Variants in SCAPER observed in about 807,000 individuals in gnomAD.
The protein encoded by SCAPER is S-phase cyclin A associated protein in the ER.
A neutral mutation model predicts 182.2 loss-of-function variants in SCAPER; 98 were observed. The observed-to-expected ratio is 0.54, with a 90% confidence interval of 0.46 to 0.64. The LOEUF (loss-of-function observed/expected upper bound fraction) is 0.64, where lower values mean the gene tolerates loss of function less well. SCAPER is among the 30% of genes least tolerant of loss of function. SCAPER has a pLI of 0.00. For synonymous variants in SCAPER, 605 were observed against 564.6 expected, an observed-to-expected ratio of 1.07 and a Z score of -1.01; for missense variants, 1,432 against 1,690.0, an observed-to-expected ratio of 0.85 and a Z score of 2.68.
chr15:76,352,056 CATT>C (rs2040591778), intron 30 of SCAPER, among the ~76,000 whole-genome samples: 1 of 152,084 alleles, frequency 6.6e-6, no homozygotes, highest in Non-Finnish European at 1.5e-5. Flanking sequence ...CATTATAAGT[CATT>C]GTCTATGCAG....
intron 2 of SCAPER, among the ~76,000 whole-genome samples, chr15:76,876,438 C>CAAAAAAAAAAAAAAAAAA (rs33959211): frequency 8.1e-6 from 1 of 122,756 alleles, no homozygotes. Flanking sequence ...AAAACAAAAG[C>CAAAAAAAAAAAAAAAAAA]AAAAAAAAAA....
At chr15:76,735,697 C>CAA (rs34341849) in intron 15 of SCAPER, among the ~76,000 whole-genome samples, 2,324 of 106,338 alleles carry the variant, frequency 0.022, 39 homozygotes, top group African/African-American at 0.029. Context: ...GACTCCGTCT[C>CAA]AAAAAAAAAA....
chr15:76,513,939 G>A (rs866797311), intron 23 of SCAPER, among the ~76,000 whole-genome samples: 28 of 152,246 alleles, frequency 1.8e-4, no homozygotes, highest in African/African-American at 6.7e-4. Context: ...ATATTTAGCT[G>A]TATTTTTTTG....
intron 17 of SCAPER, among the ~76,000 whole-genome samples, chr15:76,706,868 T>TACAC (rs140804488): frequency 6.6e-6 from 1 of 151,568 alleles, no homozygotes; most frequent in Non-Finnish European, 1.5e-5. Flanking sequence ...GATACACACA[T>TACAC]ACACACACAC....
At chr15:76,743,485 T>C (rs969083142) in intron 15 of SCAPER, among the ~76,000 whole-genome samples, 1 of 152,118 alleles carries the variant, frequency 6.6e-6, no homozygotes, top group Non-Finnish European at 1.5e-5. Context: ...CAAAAATCAG[T>C]AGCATTTCTA....
chr15:76,646,892 A>T (rs141354065), intron 21 of SCAPER, among the ~76,000 whole-genome samples: 2,368 of 152,268 alleles, frequency 0.016, 25 homozygotes, highest in Middle Eastern at 0.027. Flanking sequence ...TTTAGTTTTA[A>T]TTCATCTTGA....
At chr15:76,629,566 T>C (rs1393108783) in intron 21 of SCAPER, among the ~76,000 whole-genome samples, 1 of 152,244 alleles carries the variant, frequency 6.6e-6, no homozygotes, top group Non-Finnish European at 1.5e-5. Context: ...TTATGTTTAC[T>C]GATTTGCATA....
chr15:76,893,169 C>A (rs1170034102), intron 1 of SCAPER, among the ~76,000 whole-genome samples: 2 of 152,102 alleles, frequency 1.3e-5, no homozygotes, highest in African/African-American at 4.8e-5. Context: ...CACACCGGAG[C>A]CTGTCACTGG....
chr15:76,352,992 C>A (rs1344362120), intron 30 of SCAPER, among the ~76,000 whole-genome samples: 2 of 151,688 alleles, frequency 1.3e-5, no homozygotes, highest in Non-Finnish European at 2.9e-5. Context: ...GATCTAGTTG[C>A]GTTTATTAAT....
intron 1 of SCAPER, among the ~76,000 whole-genome samples, chr15:76,897,697 T>C (rs545849016): frequency 1.3e-5 from 2 of 152,078 alleles, no homozygotes; most frequent in African/African-American, 4.8e-5. Context: ...ACAGAGACTC[T>C]ATCTCGAAAA....
chr15:76,657,438 A>G (rs2146639754), intron 21 of SCAPER, among the ~76,000 whole-genome samples: 1 of 152,138 alleles, frequency 6.6e-6, no homozygotes, highest in Admixed American at 6.5e-5. Flanking sequence ...GCCCAGGACC[A>G]GATTTAGAGC....
At chr15:76,357,189 C>CACACACACACACAA (rs1555410451) in intron 29 of SCAPER, among the ~76,000 whole-genome samples, 6 of 146,376 alleles carry the variant, frequency 4.1e-5, no homozygotes, top group Non-Finnish European at 9.2e-5. Flanking sequence ...CACACACACA[C>CACACACACACACAA]CCCTATGGCC....
intron 2 of SCAPER, among the ~76,000 whole-genome samples, chr15:76,873,339 C>A (rs62029243): frequency 0.037 from 2,114 of 57,166 alleles, 13 homozygotes; most frequent in East Asian, 0.055. Flanking sequence ...GGAAGGCAGG[C>A]AGGCAGGCAG....
intron 28 of SCAPER, among the ~76,000 whole-genome samples, chr15:76,379,384 C>A (rs2042785964): frequency 2.6e-5 from 4 of 152,122 alleles, no homozygotes; most frequent in African/African-American, 9.7e-5. Context: ...ATTGTGAGAA[C>A]CAGTCAAGAA....
chr15:76,793,315 T>C lies in SCAPER; in HGVS notation c.772+1965A>G, dbSNP rs1234868886. 2.2e-5 allele frequency: 17 copies of C among 758,808 alleles called. 2 individuals are homozygous for C. Among genetic ancestry groups the C allele is most frequent in the South Asian group, 1.2e-4 (8 of 67,218 alleles). The allele number at this position is 758,808 out of a possible 1,614,324, so 47.0% of individuals were successfully genotyped here. A position where few individuals can be genotyped will look rare whatever the true frequency, so the allele number is the denominator to read the frequency against. On this transcript the variant is annotated intron_variant, in intron 8 of 31. Transcript: ENST00000563290. ...CCTAAAATCTTTGGAATTCCCAAAA[T>C]GATGTGTCTTTTTGTATGCTAATGA...
intron 8 of SCAPER, chr15:76,793,173 C>A: frequency 9.7e-7 from 1 of 1,029,578 alleles, no homozygotes. Flanking sequence ...TTTTATAACA[C>A]AAAAATTACA....
At chr15:76,668,352 T>G (rs1380162787) in intron 20 of SCAPER, among the ~76,000 whole-genome samples, 1 of 152,124 alleles carries the variant, frequency 6.6e-6, no homozygotes, top group Non-Finnish European at 1.5e-5. Context: ...ATCACATCAT[T>G]CCTTTTATCA....
intron 22 of SCAPER, among the ~76,000 whole-genome samples, chr15:76,609,526 T>C (rs1180840949): frequency 6.6e-6 from 1 of 152,172 alleles, no homozygotes; most frequent in East Asian, 1.9e-4. Flanking sequence ...TCCCAGCTTA[T>C]ATTATCCATC....
intron 26 of SCAPER, among the ~76,000 whole-genome samples, chr15:76,417,174 G>A (rs1046364623): frequency 1.3e-5 from 2 of 151,554 alleles, no homozygotes; most frequent in African/African-American, 2.4e-5. Context: ...ACACAAACCC[G>A]GTAATTATCT....
Sources: gnomAD v4.1 joint callset for allele counts (sites outside exome capture counted in the v4.1 genomes callset) on GRCh38, gnomAD v4.1.1 for gene constraint, MANE v1.5 for transcripts, NCBI Gene and HGNC (gene_info 2026-07-23, HGNC 2026-07-21) for gene names.